The following CENPP variants were observed in gnomAD, a reference collection of about 807,000 sequenced individuals.
CENPP encodes centromere protein P.
Under a neutral mutation model 35.6 loss-of-function variants are expected in CENPP, and 24 were observed. The ratio of observed to expected loss-of-function variants is 0.67; its 90% CI spans 0.49 to 0.95. The LOEUF is 0.95. CENPP is among the 40% of genes least tolerant of loss of function. The pLI is 0.00. For synonymous variants in CENPP, 120 were observed against 125.5 expected (o/e 0.96, Z 0.29); for missense variants, 332 against 345.3 (o/e 0.96, Z 0.31).
intron 3 of CENPP, among the ~76,000 whole-genome samples, chr9:92,341,207 C>G (rs527265444): frequency 6.6e-6 from 1 of 152,158 alleles, no homozygotes. Flanking sequence ...AACCCTGTCT[C>G]CTGATAAGAT....
intron 5 of CENPP, chr9:92,512,086 T>A: frequency 6.2e-7 from 1 of 1,613,930 alleles, no homozygotes; most frequent in Non-Finnish European, 8.5e-7. Flanking sequence ...AATTTGGTAA[T>A]CCATTAAATG....
Position 92,590,023 on chromosome 9 carries a change from C to T in CENPP, c.565-21291C>T, listed in dbSNP as rs146657327. On this transcript the variant is annotated intron_variant, in intron 5 of 7. Coordinates refer to ENST00000375587, the MANE Select transcript of CENPP (RefSeq NM_001012267.3). Reference sequence around the variant, plus strand: ...CCAAAAAGAGGTTTCATTGTTTCTTCGCCCCACTTTATAACAACATCAGTC... The same window carrying T: ...CCAAAAAGAGGTTTCATTGTTTCTTTGCCCCACTTTATAACAACATCAGTC... Among the ~76,000 whole-genome samples the T allele has an allele frequency of 2.0e-4, 30 of 152,312 alleles. No homozygotes were observed. In the East Asian group the frequency reaches 5.2e-3, roughly 26 times the overall value.
chr9:92,445,010 C>T (rs1422385149), intron 5 of CENPP, among the ~76,000 whole-genome samples: 4 of 152,150 alleles, frequency 2.6e-5, no homozygotes, highest in African/African-American at 4.8e-5. Context: ...CTAGGGCCAA[C>T]GTCTCCTATG....
At chr9:92,480,293 C>T (rs1223701895) in intron 5 of CENPP, among the ~76,000 whole-genome samples, 1 of 152,164 alleles carries the variant, frequency 6.6e-6, no homozygotes, top group Non-Finnish European at 1.5e-5. Flanking sequence ...TAGCCTAGAG[C>T]TAAGAGAGGT....
chr9:92,408,596 A>C (rs1392428420), intron 5 of CENPP, among the ~76,000 whole-genome samples: 3 of 152,132 alleles, frequency 2.0e-5, no homozygotes, highest in Admixed American at 2.0e-4. Flanking sequence ...TCGGGTTACT[A>C]CAGAGTTCCT....
At chr9:92,604,114 G>C (rs1851005541) in intron 5 of CENPP, among the ~76,000 whole-genome samples, 1 of 152,228 alleles carries the variant, frequency 6.6e-6, no homozygotes, top group Admixed American at 6.5e-5. Context: ...TAGTAAGTGT[G>C]TTCAATGTGG....
intron 5 of CENPP, among the ~76,000 whole-genome samples, chr9:92,592,051 A>T (rs147540018): frequency 6.6e-6 from 1 of 151,086 alleles, no homozygotes; most frequent in African/African-American, 2.4e-5. Context: ...CTTAAAGTAT[A>T]AAAAAAAATA....
chr9:92,413,759 G>A (rs188936403), intron 5 of CENPP, among the ~76,000 whole-genome samples: 77 of 152,218 alleles, frequency 5.1e-4, no homozygotes, highest in Admixed American at 4.7e-3. Context: ...TTGATTAGAC[G>A]AATGAATGGA....
intron 5 of CENPP, among the ~76,000 whole-genome samples, chr9:92,567,383 T>G (rs902427529): frequency 2.1e-5 from 2 of 94,642 alleles, no homozygotes; most frequent in African/African-American, 1.1e-4. Context: ...GATATATATA[T>G]ATATATATAT....
intron 5 of CENPP, among the ~76,000 whole-genome samples, chr9:92,440,693 A>AAT (rs1844363774): frequency 6.6e-6 from 1 of 152,346 alleles, no homozygotes; most frequent in East Asian, 1.9e-4. Context: ...TTATGACCAC[A>AAT]ATTAATGCAT....
chr9:92,583,686 A>C (rs1002996999), intron 5 of CENPP, among the ~76,000 whole-genome samples: 2 of 151,954 alleles, frequency 1.3e-5, no homozygotes, highest in Non-Finnish European at 1.5e-5. Context: ...ACTTAGGCAT[A>C]GTCCTCAGTG....
chr9:92,453,187 A>T (rs1844766730), intron 5 of CENPP, among the ~76,000 whole-genome samples: 1 of 150,670 alleles, frequency 6.6e-6, no homozygotes, highest in African/African-American at 2.4e-5. Context: ...TTTAATTGTG[A>T]TGTTAGGGTG....
intron 4 of CENPP, among the ~76,000 whole-genome samples, chr9:92,365,447 C>G (rs1841864388): frequency 7.6e-6 from 1 of 131,818 alleles, no homozygotes. Flanking sequence ...GTCTCGTGCT[C>G]TCACTCACGC....
At chr9:92,448,242 A>T (rs1844602381) in intron 5 of CENPP, among the ~76,000 whole-genome samples, 1 of 151,798 alleles carries the variant, frequency 6.6e-6, no homozygotes, top group African/African-American at 2.4e-5. Flanking sequence ...TACTCAAATC[A>T]TCTTGTGGGT....
intron 5 of CENPP, among the ~76,000 whole-genome samples, chr9:92,551,925 G>GTGTGTGTA (rs1176239722): frequency 1.4e-4 from 12 of 84,516 alleles, no homozygotes; most frequent in African/African-American, 9.7e-4. Flanking sequence ...TGGTGTGTGT[G>GTGTGTGTA]TATATATATA....
chr9:92,526,211 G>A (rs1469335992), intron 5 of CENPP, among the ~76,000 whole-genome samples: 2 of 152,002 alleles, frequency 1.3e-5, no homozygotes, highest in African/African-American at 2.4e-5. Flanking sequence ...AGGCTAATGC[G>A]TGTTTGTCTC....
intron 4 of CENPP, among the ~76,000 whole-genome samples, chr9:92,375,345 C>T (rs914266588): frequency 1.8e-4 from 27 of 151,608 alleles, no homozygotes; most frequent in Non-Finnish European, 2.9e-4. Context: ...CAGGCTGGAG[C>T]GCAGTGCCGC....
chr9:92,532,013 A>ATTT (rs1368397928), intron 5 of CENPP, among the ~76,000 whole-genome samples: 43 of 68,864 alleles, frequency 6.2e-4, no homozygotes, highest in African/African-American at 3.4e-3. Context: ...TTTTTATTTA[A>ATTT]TGTTTTTTTT....
Position 92,615,865 on chromosome 9 carries a change from G to A in CENPP, c.*2716G>A, listed in dbSNP as rs750282220. 58 of 1,613,896 alleles carry A rather than the reference G, an allele frequency of 3.6e-5. No homozygotes were observed. Among genetic ancestry groups the A allele is most frequent in the Non-Finnish European group, 4.7e-5 (56 of 1,179,910 alleles). On this transcript the variant is annotated 3_prime_UTR_variant, in exon 8 of 8. Transcript: ENST00000375587. ...TGTGGAGAACTAATGTGCAATCTTCGCTTTCCTTGAACCGAGTCGACATCA... is the reference window on the plus strand; with the variant it reads ...TGTGGAGAACTAATGTGCAATCTTCACTTTCCTTGAACCGAGTCGACATCA...
Sources: allele counts gnomAD v4.1 joint callset (sites outside exome capture counted in the v4.1 genomes callset), GRCh38; gene constraint gnomAD v4.1.1; transcripts MANE v1.5; gene names NCBI Gene and HGNC (gene_info 2026-07-23, HGNC 2026-07-21).